The following IGF2R variants were observed in gnomAD, a reference collection of about 807,000 sequenced individuals.
The protein encoded by IGF2R is cation-independent mannose-6-phosphate receptor.
A neutral mutation model predicts 270.6 loss-of-function variants in IGF2R; 91 were observed. The observed-to-expected ratio is 0.34, with a 90% CI of 0.28 to 0.40. The LOEUF (loss-of-function observed/expected upper bound fraction) is 0.40. Among genes scored for constraint, IGF2R ranks in the 10% least tolerant of loss-of-function variants. The pLI, the probability that IGF2R is intolerant of heterozygous loss-of-function variation, is 1.00. For synonymous variants in IGF2R, 1,316 were observed against 1,258.9 expected, an observed-to-expected ratio of 1.05 and a Z score of -0.96; for missense variants, 2,805 against 3,188.3, an observed-to-expected ratio of 0.88 and a Z score of 2.90.
In IGF2R at chr6:160,009,146, C is replaced by T; in HGVS notation, c.414+12C>T. 6.2e-7 allele frequency: 1 copy of T among 1,608,016 alleles called. No homozygotes were observed. Among genetic ancestry groups the T allele is most frequent in the Non-Finnish European group, 8.5e-7 (1 of 1,177,140 alleles). On this transcript the variant is annotated intron_variant, in intron 3 of 47. Coordinates refer to ENST00000356956, the MANE Select transcript of IGF2R (RefSeq NM_000876.4). ...GTGGGAAAACCCTGGTGAGTCCACACAGGCACTTGATGTATTTCTTTAAAA... is the reference window on the plus strand; with the variant it reads ...GTGGGAAAACCCTGGTGAGTCCACATAGGCACTTGATGTATTTCTTTAAAA...
At position 160,073,781 on chromosome 6, in the gene IGF2R, A is replaced by C. The variant is rs769637574; in HGVS notation, c.4972A>C (p.Ser1658Arg). The change falls in exon 35 of 48, where the codon AGC becomes CGC. Residue 1658 changes from serine to arginine, a missense_variant. Ser to Arg is a moderately radical substitution (Grantham distance 110, BLOSUM62 -1). Around this residue, in one of 2 missense-constraint regions of IGF2R, gnomAD observed 1,851 missense variants for 2,207.2 expected, o/e 0.84. Coordinates refer to ENST00000356956, the MANE Select transcript of IGF2R (RefSeq NM_000876.4). ...QATECSVRNG[S>R]SIVDLSPLIH... ...GACCGAATGTTCCGTGAGGAATGGA[A>C]GCTCTATTGTTGACTTGTCTCCCCT... 1 of 1,614,142 alleles carries C rather than the reference A, an allele frequency of 6.2e-7. No individual in the cohort carries two copies. The highest frequency in any genetic ancestry group is 1.1e-5 in the South Asian group (1 of 91,084).
intron 35 of IGF2R, among the ~76,000 whole-genome samples, chr6:160,074,821 G>A (rs1778820379): frequency 6.6e-6 from 1 of 152,132 alleles, no homozygotes; most frequent in Admixed American, 6.5e-5. Flanking sequence ...TAAGGAGATC[G>A]GCCACAGCCT....
At chr6:160,098,776 G>A (rs761796704) in intron 45 of IGF2R, among the ~76,000 whole-genome samples, 5 of 152,212 alleles carry the variant, frequency 3.3e-5, no homozygotes, top group South Asian at 2.1e-4. Flanking sequence ...CCGAGATGGC[G>A]TCACTGTACT....
intron 36 of IGF2R, among the ~76,000 whole-genome samples, chr6:160,076,272 A>G (rs1174787012): frequency 1.3e-5 from 2 of 152,238 alleles, no homozygotes; most frequent in Non-Finnish European, 2.9e-5. Context: ...CTGATGCATA[A>G]AAGTGTCATA....
intron 1 of IGF2R, among the ~76,000 whole-genome samples, chr6:159,981,720 G>A (rs749889166): frequency 6.6e-6 from 1 of 152,206 alleles, no homozygotes; most frequent in Admixed American, 6.5e-5. Flanking sequence ...TCTGGCCCAG[G>A]CCCTTCATGG....
At chr6:159,991,573 G>A (rs879478149) in intron 2 of IGF2R, among the ~76,000 whole-genome samples, 1 of 152,178 alleles carries the variant, frequency 6.6e-6, no homozygotes, top group East Asian at 1.9e-4. Flanking sequence ...GAAGAATTAT[G>A]TAGATGTGTA....
At chr6:160,077,055 C>T (rs1281836512) in intron 36 of IGF2R, among the ~76,000 whole-genome samples, 1 of 152,086 alleles carries the variant, frequency 6.6e-6, no homozygotes, top group East Asian at 1.9e-4. Flanking sequence ...CTGGCAGCCG[C>T]CTGACCAGTG....
chr6:159,988,736 AT>A (rs1783930265), intron 1 of IGF2R, among the ~76,000 whole-genome samples: 1 of 151,880 alleles, frequency 6.6e-6, no homozygotes, highest in South Asian at 2.1e-4. Context: ...AGAGATTAGC[AT>A]TTTTCCTGAG....
intron 13 of IGF2R, among the ~76,000 whole-genome samples, chr6:160,045,080 A>T (rs1778039087): frequency 6.6e-6 from 1 of 152,212 alleles, no homozygotes; most frequent in African/African-American, 2.4e-5. Flanking sequence ...CCAAGTCAAA[A>T]TTTTTATGGT....
At chr6:160,000,036 C>G (rs1784105287) in intron 2 of IGF2R, among the ~76,000 whole-genome samples, 1 of 152,166 alleles carries the variant, frequency 6.6e-6, no homozygotes, top group Non-Finnish European at 1.5e-5. Context: ...AGGATGAGAG[C>G]TTTTCTTAAA....
intron 26 of IGF2R, 65 bp downstream of exon 26, chr6:160,062,684 G>C (rs891258533): frequency 8.6e-7 from 1 of 1,163,850 alleles, no homozygotes; most frequent in Non-Finnish European, 1.3e-6. Flanking sequence ...TCTGAACGAT[G>C]CCTTAGATAT....
At chr6:159,983,462 G>A (rs1413014269) in intron 1 of IGF2R, among the ~76,000 whole-genome samples, 2 of 152,210 alleles carry the variant, frequency 1.3e-5, no homozygotes, top group African/African-American at 2.4e-5. Context: ...AGCAGAAGCA[G>A]TGAGATTACA....
chr6:160,068,846 A>C (rs1217578136), intron 30 of IGF2R, among the ~76,000 whole-genome samples: 1 of 152,194 alleles, frequency 6.6e-6, no homozygotes, highest in African/African-American at 2.4e-5. Context: ...TCTCTGCAGC[A>C]TGGACGTGGT....
intron 4 of IGF2R, among the ~76,000 whole-genome samples, chr6:160,018,992 A>C (rs1483308514): frequency 6.6e-6 from 1 of 152,170 alleles, no homozygotes; most frequent in African/African-American, 2.4e-5. Context: ...GGAGACCAAA[A>C]AATGCAGTAC....
At chr6:160,048,164 C>T (rs1257115964) in intron 17 of IGF2R, among the ~76,000 whole-genome samples, 1 of 152,164 alleles carries the variant, frequency 6.6e-6, no homozygotes, top group Non-Finnish European at 1.5e-5. Context: ...TGCAGAGGCA[C>T]GGGGGACAGT....
intron 1 of IGF2R, among the ~76,000 whole-genome samples, chr6:159,977,677 A>G (rs1038051887): frequency 6.6e-6 from 1 of 152,144 alleles, no homozygotes; most frequent in African/African-American, 2.4e-5. Flanking sequence ...AAAACCTCTC[A>G]TTAGGGAGTT....
At chr6:159,985,440 TG>T (rs1256655381) in intron 1 of IGF2R, among the ~76,000 whole-genome samples, 1 of 152,206 alleles carries the variant, frequency 6.6e-6, no homozygotes, top group East Asian at 1.9e-4. Context: ...TTGGGAGGGT[TG>T]GATAATGGCA....
intron 2 of IGF2R, among the ~76,000 whole-genome samples, chr6:159,996,650 G>A (rs1476445520): frequency 1.3e-5 from 2 of 152,292 alleles, no homozygotes; most frequent in South Asian, 2.1e-4. Context: ...CCGTCCTGGC[G>A]CTGGGAATAT....
At position 160,046,627 on chromosome 6, in the gene IGF2R, C is replaced by A. The variant is rs201536836; in HGVS notation, c.2033C>A (p.Ala678Asp). Residue 678 changes from alanine to aspartate, a missense_variant, in exon 15 of 48, where the codon GCC (alanine) becomes GAC (aspartate). Transcript: ENST00000356956. Reference protein sequence around the residue: ...SVSPCQPDSGACQVAKSDEKT... With the variant: ...SVSPCQPDSGDCQVAKSDEKT... Reference sequence around the variant, plus strand: ...AGCCCCTGTCAGCCAGACTCAGGAGCCTGCCAGGTGGCAAAAAGGCAAGTA... The same window carrying A: ...AGCCCCTGTCAGCCAGACTCAGGAGACTGCCAGGTGGCAAAAAGGCAAGTA... 6.2e-7 allele frequency: 1 copy of A among 1,611,678 alleles called. No individual in the cohort carries two copies. The highest frequency in any genetic ancestry group is 8.5e-7 in the Non-Finnish European group (1 of 1,179,550).
Sources: gnomAD v4.1 joint callset for allele counts (sites outside exome capture counted in the v4.1 genomes callset) on GRCh38, gnomAD v4.1.1 for gene constraint, gnomAD v4.1.1 regional missense constraint, MANE v1.5 for transcripts, NCBI Gene and HGNC (gene_info 2026-07-23, HGNC 2026-07-21) for gene names.